The following ABCC9 variants were observed in gnomAD, a reference collection of about 807,000 sequenced individuals.
ABCC9 encodes the protein ATP binding cassette subfamily C member 9.
Under a neutral mutation model 188.3 loss-of-function variants are expected in ABCC9, and 95 were observed. The ratio of observed to expected loss-of-function variants is 0.50; its 90% CI spans 0.43 to 0.60. The LOEUF (loss-of-function observed/expected upper bound fraction) is 0.60, where lower values mean the gene tolerates loss of function less well. Ranked by LOEUF, ABCC9 falls within the 20% of genes least tolerant of loss-of-function variation. The pLI is 0.00. For missense variants in ABCC9, 1,102 were observed against 1,876.3 expected, an observed-to-expected ratio of 0.59 and a Z score of 7.62; for synonymous variants, 659 against 652.7, an observed-to-expected ratio of 1.01 and a Z score of -0.15.
chr12:21,859,694 A>AT (rs762252170), intron 21 of ABCC9, 28 bp from the exon 22 acceptor site: 19 of 1,564,830 alleles, frequency 1.2e-5, no homozygotes, highest in Admixed American at 1.2e-4. Flanking sequence ...CCAAATACCC[A>AT]TTTTTTAATA....
chr12:21,864,555 A>G, intron 18 of ABCC9, 78 bp from the exon 19 acceptor site: 1 of 1,018,294 alleles, frequency 9.8e-7, no homozygotes, highest in South Asian at 1.3e-5. Context: ...CAGGTAAGAG[A>G]TACAATAAAC....
chr12:21,853,891 G>GT, intron 22 of ABCC9, among the ~76,000 whole-genome samples: 1 of 152,288 alleles, frequency 6.6e-6, no homozygotes, highest in East Asian at 1.9e-4. Flanking sequence ...GATGTTTCAG[G>GT]TAAAAACTGG....
intron 30 of ABCC9, among the ~76,000 whole-genome samples, chr12:21,834,786 T>TACACACAC (rs61211269): frequency 0.01 from 1,473 of 141,558 alleles, 12 homozygotes; most frequent in Non-Finnish European, 0.013. Flanking sequence ...TATAACATTA[T>TACACACAC]ACACACACAC....
chr12:21,868,238 A>G (rs1296130038), intron 18 of ABCC9, among the ~76,000 whole-genome samples: 1 of 152,224 alleles, frequency 6.6e-6, no homozygotes, highest in Non-Finnish European at 1.5e-5. Flanking sequence ...TGTGTGCTGG[A>G]TGAACAACAA....
chr12:21,815,662 ATACT>A, intron 34 of ABCC9, 97 bp downstream of exon 34: 2 of 1,452,512 alleles, frequency 1.4e-6, no homozygotes, highest in Non-Finnish European at 9.5e-7. Context: ...GGTAGGGAAT[ATACT>A]TACTTGGCTG....
chr12:21,858,832 G>T (rs1315313438), intron 22 of ABCC9, among the ~76,000 whole-genome samples: 1 of 152,130 alleles, frequency 6.6e-6, no homozygotes, highest in East Asian at 1.9e-4. Flanking sequence ...CTGGGAACCA[G>T]ATTGATAAGT....
At position 21,852,381 on chromosome 12, in the gene ABCC9, G is replaced by A. The variant is rs140872303; in HGVS notation, c.2630C>T (p.Thr877Met). 1.7e-5 allele frequency: 27 copies of A among 1,613,748 alleles called. No individual in the cohort carries two copies. In the Admixed American group the frequency reaches 1.8e-4, roughly 11 times the overall value. ...CTAAACTCTTACCCAGTCAGCATGC[G>A]TCAGATACTGTAATTTGTGAGTCAC... ...VLVTHKLQYL[T>M]HADWIIAMKD... is the part of the protein sequence containing the mutation. The change falls in exon 23 of 40, where the codon ACG (threonine) becomes ATG (methionine). Residue 877 changes from threonine (T) to methionine (M), a missense_variant. This residue lies in a region of ABCC9 where 131 missense variants were observed against 170.2 expected (regional missense o/e 0.77). Transcript: ENST00000261200.
intron 30 of ABCC9, among the ~76,000 whole-genome samples, chr12:21,830,497 C>T (rs574625489): frequency 4.7e-4 from 71 of 152,252 alleles, no homozygotes; most frequent in Middle Eastern, 6.8e-3. Context: ...AAAACACTTC[C>T]CCCACTCACC....
At chr12:21,908,488 TG>T (rs1948148813) in intron 10 of ABCC9, among the ~76,000 whole-genome samples, 6 of 151,970 alleles carry the variant, frequency 3.9e-5, no homozygotes, top group Non-Finnish European at 8.8e-5. Flanking sequence ...ACCAATGTAT[TG>T]CATGAATTTG....
intron 32 of ABCC9, 31 bp downstream of exon 32, chr12:21,818,119 C>T (rs1241620277): frequency 6.8e-7 from 1 of 1,467,660 alleles, no homozygotes. Flanking sequence ...GTTTGGTTAT[C>T]TGTTCCTGTA....
Position 21,915,688 on chromosome 12 carries a change from C to CCTT in ABCC9, c.795_796insAAG (p.Lys265dup). On this transcript the variant is annotated inframe_insertion, in exon 7 of 40. Transcript: ENST00000261200. ...ATCACCTTTTGTTCTTCATATGCAT[C>CCTT]TTTCAGGCAAACATAATTTGTTACT... is the stretch of plus-strand genomic sequence containing the variant. 2 of 1,611,644 alleles carry CCTT rather than the reference C, an allele frequency of 1.2e-6. No individual in the cohort carries two copies. Among genetic ancestry groups the CCTT allele is most frequent in the Non-Finnish European group, 1.7e-6 (2 of 1,179,324 alleles).
At chr12:21,900,590 A>G (rs1947690195) in intron 12 of ABCC9, among the ~76,000 whole-genome samples, 1 of 152,202 alleles carries the variant, frequency 6.6e-6, no homozygotes. Context: ...ACTAACTAGA[A>G]TAACCAGTGT....
intron 17 of ABCC9, among the ~76,000 whole-genome samples, chr12:21,874,812 T>C (rs1217601347): frequency 6.6e-6 from 1 of 152,166 alleles, no homozygotes; most frequent in Admixed American, 6.5e-5. Flanking sequence ...ATTTTGACTC[T>C]TTTAGGTATT....
Position 21,917,019 on chromosome 12 carries a change from T to C in ABCC9, c.491A>G (p.Asn164Ser). Reference protein sequence around the residue: ...KYCQSGLDISNLRFCITGMMV... With the variant: ...KYCQSGLDISSLRFCITGMMV... ...CATGCCTGTGATGCAGAAACGCAGG[T>C]TTGATATGTCCAAGCCAGACTGACA... Residue 164 changes from asparagine to serine, a missense_variant, in exon 6 of 40, where the codon AAC (asparagine) becomes AGC (serine). Coordinates refer to ENST00000261200, the MANE Select transcript of ABCC9 (RefSeq NM_020297.4). The C allele has an allele frequency of 6.2e-7, 1 of 1,613,816 alleles. No individual in the cohort carries two copies. The highest frequency in any genetic ancestry group is 1.1e-5 in the South Asian group (1 of 91,068).
chr12:21,864,560 A>G (rs374847036), intron 18 of ABCC9, 83 bp from the exon 19 acceptor site: 50 of 947,926 alleles, frequency 5.3e-5, no homozygotes, highest in East Asian at 3.3e-4. Flanking sequence ...AAGAGATACA[A>G]TAAACACTGG....
intron 22 of ABCC9, among the ~76,000 whole-genome samples, chr12:21,853,676 T>G (rs1363437251): frequency 1.3e-5 from 2 of 152,180 alleles, no homozygotes; most frequent in Non-Finnish European, 2.9e-5. Flanking sequence ...AAACTACATG[T>G]TTCACATTTT....
chr12:21,837,400 T>C (rs1944158210), intron 30 of ABCC9, among the ~76,000 whole-genome samples: 1 of 152,204 alleles, frequency 6.6e-6, no homozygotes, highest in Non-Finnish European at 1.5e-5. Flanking sequence ...CTGGTTAAAA[T>C]CTATATATAC....
Position 21,806,787 on chromosome 12 carries a change from CTCAA to C in ABCC9, c.4449+555_4449+558del, listed in dbSNP as rs981074144. 2.0e-5 allele frequency among the ~76,000 whole-genome samples: 3 copies of C among 152,304 alleles called. No homozygotes were observed. The South Asian group carries it at 6.2e-4, about 32-fold the overall frequency. ...GTGATTTAATGAAACATTTTCCCTA[CTCAA>C]TCACAGCCTTCTGGACAGATCTTTC... On this transcript the variant is annotated intron_variant, in intron 38 of 39. Transcript: ENST00000261200.
At chr12:21,822,272 T>G (rs1303891982) in intron 31 of ABCC9, among the ~76,000 whole-genome samples, 1 of 151,964 alleles carries the variant, frequency 6.6e-6, no homozygotes, top group Non-Finnish European at 1.5e-5. Flanking sequence ...ACTAACTAGA[T>G]ACTTTCCAGC....
Sources: allele counts gnomAD v4.1 joint callset (sites outside exome capture counted in the v4.1 genomes callset), GRCh38; gene constraint gnomAD v4.1.1; regional missense constraint gnomAD v4.1.1; transcripts MANE v1.5; gene names NCBI Gene and HGNC (gene_info 2026-07-23, HGNC 2026-07-21).